The following ARL6IP6 variants were observed in gnomAD, a reference collection of about 807,000 sequenced individuals.
ARL6IP6 encodes ARF like GTPase 6 interacting protein 6, also known as ADP-ribosylation factor-like protein 6-interacting protein 6.
In ARL6IP6, 22 loss-of-function variants were observed where a neutral mutation model predicts 21.5. The ratio of observed to expected loss-of-function variants is 1.02; its 90% CI spans 0.73 to 1.46. The LOEUF (loss-of-function observed/expected upper bound fraction) is 1.46, where lower values mean the gene tolerates loss of function less well. Among genes scored for constraint, ARL6IP6 ranks in the 40% most tolerant of loss-of-function variants. The pLI is 0.00. For synonymous variants in ARL6IP6, 164 were observed against 125.3 expected, an observed-to-expected ratio of 1.31 and a Z score of -2.06; for missense variants, 388 against 299.8, an observed-to-expected ratio of 1.29 and a Z score of -2.17.
chr2:152,730,066 T>A (rs1700236186), intron 2 of ARL6IP6, among the ~76,000 whole-genome samples: 2 of 152,232 alleles, frequency 1.3e-5, no homozygotes, highest in African/African-American at 4.8e-5. Context: ...AATATTGCAA[T>A]GTACTTTTTT....
chr2:152,720,190 A>G, intron 1 of ARL6IP6: 1 of 316,536 alleles, frequency 3.2e-6, no homozygotes, highest in African/African-American at 2.4e-5. Context: ...CAAAACCATG[A>G]TAAGTGGAAT....
chr2:152,733,992 A>G (rs1222476523), intron 2 of ARL6IP6, among the ~76,000 whole-genome samples: 1 of 152,210 alleles, frequency 6.6e-6, no homozygotes, highest in Non-Finnish European at 1.5e-5. Flanking sequence ...ACTTGACATC[A>G]AAATAAAGCT....
At position 152,735,143 on chromosome 2, in the gene ARL6IP6, C is replaced by A. The variant is rs377675061; in HGVS notation, c.587+17C>A. On this transcript the variant is annotated intron_variant, in intron 3 of 3. Coordinates refer to ENST00000326446, the MANE Select transcript of ARL6IP6 (RefSeq NM_152522.7). ...CAGGTTCAAGTAAGTATTCCTGTTTCCTGTTTCTTTTTTAAATGCATTTCA... is the reference window on the plus strand; with the variant it reads ...CAGGTTCAAGTAAGTATTCCTGTTTACTGTTTCTTTTTTAAATGCATTTCA... The A allele has an allele frequency of 6.2e-7, 1 of 1,611,828 alleles. No individual in the cohort carries two copies. Among genetic ancestry groups the A allele is most frequent in the African/African-American group, 1.3e-5 (1 of 74,732 alleles).
chr2:152,744,751 CCAGA>C (rs1700971211), intron 3 of ARL6IP6, among the ~76,000 whole-genome samples: 1 of 151,996 alleles, frequency 6.6e-6, no homozygotes, highest in African/African-American at 2.4e-5. Context: ...TGATAAATAT[CCAGA>C]CACTCAATTT....
At chr2:152,739,665 A>T (rs1311294952) in intron 3 of ARL6IP6, among the ~76,000 whole-genome samples, 1 of 152,142 alleles carries the variant, frequency 6.6e-6, no homozygotes, top group Middle Eastern at 3.2e-3. Context: ...AGTTACTCCC[A>T]CATTTTCAGG....
At chr2:152,737,473 T>G (rs191656735) in intron 3 of ARL6IP6, among the ~76,000 whole-genome samples, 27 of 152,324 alleles carry the variant, frequency 1.8e-4, no homozygotes, top group Middle Eastern at 3.4e-3. Context: ...TTTATTAATG[T>G]ATTAGTCTGT....
intron 2 of ARL6IP6, among the ~76,000 whole-genome samples, chr2:152,725,849 T>G (rs1700019774): frequency 6.6e-6 from 1 of 152,238 alleles, no homozygotes; most frequent in South Asian, 2.1e-4. Flanking sequence ...TTGCTGTATT[T>G]ATTTCTTATG....
chr2:152,755,826 T>A (rs1701564403), intron 3 of ARL6IP6, among the ~76,000 whole-genome samples: 1 of 152,184 alleles, frequency 6.6e-6, no homozygotes, highest in Admixed American at 6.5e-5. Flanking sequence ...ATTTCTGCAC[T>A]CTCTCATCTC....
At chr2:152,743,169 G>A (rs1390928872) in intron 3 of ARL6IP6, among the ~76,000 whole-genome samples, 2 of 151,982 alleles carry the variant, frequency 1.3e-5, no homozygotes, top group Non-Finnish European at 1.5e-5. Context: ...TGCACTCCAC[G>A]GTTCACATCA....
In ARL6IP6 at chr2:152,751,829, G is replaced by T. The variant is rs538046424; in HGVS notation, c.588-7918G>T. Among the ~76,000 whole-genome samples, 14 of 152,246 alleles carry T rather than the reference G, an allele frequency of 9.2e-5. No homozygotes were observed. In the South Asian group the frequency reaches 2.9e-3, roughly 32 times the overall value. On this transcript the variant is annotated intron_variant, in intron 3 of 3. Coordinates refer to ENST00000326446, the MANE Select transcript of ARL6IP6 (RefSeq NM_152522.7). ...CTTGACTATTGTGAATGGTGCTGCA[G>T]TAAACATGGGGTACACATATCTCTT...
chr2:152,734,088 A>G (rs2105126364), intron 2 of ARL6IP6, among the ~76,000 whole-genome samples: 1 of 152,324 alleles, frequency 6.6e-6, no homozygotes, highest in African/African-American at 2.4e-5. Flanking sequence ...TTATCCTTTT[A>G]TTATTATTAA....
At chr2:152,734,138 A>ACT (rs1700448467) in intron 2 of ARL6IP6, among the ~76,000 whole-genome samples, 1 of 152,052 alleles carries the variant, frequency 6.6e-6, no homozygotes, top group African/African-American at 2.4e-5. Context: ...AAATTAGCTT[A>ACT]CTCCTTTCTT....
chr2:152,732,942 C>T (rs768105908), intron 2 of ARL6IP6, among the ~76,000 whole-genome samples: 4 of 151,308 alleles, frequency 2.6e-5, no homozygotes, highest in African/African-American at 7.3e-5. Flanking sequence ...ATTCCAGATA[C>T]GGAACTTGTG....
At chr2:152,750,488 AAG>A (rs200604492) in intron 3 of ARL6IP6, among the ~76,000 whole-genome samples, 4 of 150,076 alleles carry the variant, frequency 2.7e-5, no homozygotes, top group Admixed American at 6.6e-5. Context: ...AAAAAAAAAA[AAG>A]AGAGAGAGAG....
intron 2 of ARL6IP6, among the ~76,000 whole-genome samples, chr2:152,730,751 C>A (rs1700270581): frequency 6.6e-6 from 1 of 152,082 alleles, no homozygotes; most frequent in African/African-American, 2.4e-5. Flanking sequence ...TGGCAACTTC[C>A]AGCCACATGA....
At chr2:152,759,649 A>C in intron 3 of ARL6IP6, 98 bp from the exon 4 acceptor site, 1 of 886,820 alleles carries the variant, frequency 1.1e-6, no homozygotes. Context: ...TGGGAAATAC[A>C]CTCCAAGGTC....
chr2:152,742,120 G>A (rs1030711600), intron 3 of ARL6IP6, among the ~76,000 whole-genome samples: 5 of 152,122 alleles, frequency 3.3e-5, no homozygotes, highest in Non-Finnish European at 7.4e-5. Context: ...GGTTTTGTGA[G>A]TGATTTCCAA....
chr2:152,748,022 G>A (rs758060089), intron 3 of ARL6IP6, among the ~76,000 whole-genome samples: 13 of 152,146 alleles, frequency 8.5e-5, no homozygotes, highest in Non-Finnish European at 1.9e-4. Context: ...TCTATCTCCT[G>A]TATGTAATTT....
intron 3 of ARL6IP6, among the ~76,000 whole-genome samples, chr2:152,737,159 A>G (rs1325633628): frequency 6.6e-6 from 1 of 152,104 alleles, no homozygotes; most frequent in East Asian, 1.9e-4. Context: ...TGCACCCTAT[A>G]TTGTAGTCAC....
Sources: gnomAD v4.1 joint callset for allele counts (sites outside exome capture counted in the v4.1 genomes callset) on GRCh38, gnomAD v4.1.1 for gene constraint, MANE v1.5 for transcripts, NCBI Gene and HGNC (gene_info 2026-07-23, HGNC 2026-07-21) for gene names.